Variants in MAGI1 observed in about 807,000 individuals in gnomAD.
MAGI1 encodes membrane-associated guanylate kinase, WW and PDZ domain-containing protein 1.
MAGI1 carries 58 observed loss-of-function variants against 139.9 expected under a neutral mutation model. The ratio of observed to expected loss-of-function variants is 0.41; its 90% CI spans 0.34 to 0.52. The LOEUF is 0.52. Ranked by LOEUF, MAGI1 falls within the 20% of genes least tolerant of loss-of-function variation. The probability of loss-of-function intolerance (pLI) is 0.12; values close to 1 mark genes in which losing one functional copy is unlikely to be tolerated. For missense variants in MAGI1, 1,874 were observed against 1,901.6 expected (o/e 0.99, Z 0.27); for synonymous variants, 812 against 737.9 (o/e 1.10, Z -1.63).
At chr3:66,035,297 C>G (rs2068855501) in intron 1 of MAGI1, among the ~76,000 whole-genome samples, 1 of 152,186 alleles carries the variant, frequency 6.6e-6, no homozygotes, top group Admixed American at 6.5e-5. Context: ...ACAGAATTTT[C>G]TCCCACCATG....
intron 1 of MAGI1, among the ~76,000 whole-genome samples, chr3:65,836,119 T>C (rs925383144): frequency 1.3e-5 from 2 of 152,126 alleles, no homozygotes; most frequent in Non-Finnish European, 2.9e-5. Flanking sequence ...AGACATTGCA[T>C]TGAGCAGGTT....
rs1392908153 is a variant in MAGI1 at position 65,868,687 on chromosome 3, C to CA, written c.313+169308dup. Reference sequence around the variant, plus strand: ...ATGTTGGGAGCTAACTAATCTCCCTCAAAAAACCACAGGCCATTACAGGGC... The same window carrying CA: ...ATGTTGGGAGCTAACTAATCTCCCTCAAAAAAACCACAGGCCATTACAGGGC... On this transcript the variant is annotated intron_variant, in intron 1 of 22. Transcript: ENST00000402939. Among the ~76,000 whole-genome samples the CA allele has an allele frequency of 4.6e-5, 7 of 152,240 alleles. No homozygotes were observed. In the East Asian group the frequency reaches 1.2e-3, roughly 25 times the overall value.
Position 65,369,814 on chromosome 3 carries a change from C to T in MAGI1, c.3197-4868G>A, listed in dbSNP as rs1425075604. ...ATGAGCTACCATGCCCGGCCCCAGA[C>T]GTGATGGATTTCTAAGAGCTTAGAA... is the stretch of plus-strand genomic sequence containing the variant. On this transcript the variant is annotated intron_variant, in intron 18 of 22. Coordinates refer to ENST00000402939, the MANE Select transcript of MAGI1 (RefSeq NM_001033057.2). Among the ~76,000 whole-genome samples the T allele has an allele frequency of 2.6e-5, 4 of 152,204 alleles. No homozygotes were observed. In the East Asian group the frequency reaches 7.8e-4, roughly 30 times the overall value.
At chr3:65,523,768 T>C (rs530974232) in intron 2 of MAGI1, among the ~76,000 whole-genome samples, 52 of 152,224 alleles carry the variant, frequency 3.4e-4, no homozygotes, top group Non-Finnish European at 7.2e-4. Context: ...CTGGAAATAG[T>C]GGTTAGAAGT....
chr3:65,379,379 G>GCTGCCC lies in MAGI1; in HGVS notation c.2871_2876dup (p.Gly958_Ser959insArgGly). On this transcript the variant is annotated inframe_insertion, in exon 17 of 23. Transcript: ENST00000402939. ...GCTGCACCACGGTGCTGACCACGCC[G>GCTGCCC]CTGCCCCCGCCGCCGCCACTGCCGA... 1 of 1,612,336 alleles carries GCTGCCC rather than the reference G, an allele frequency of 6.2e-7. No individual in the cohort carries two copies. Among genetic ancestry groups the GCTGCCC allele is most frequent in the Non-Finnish European group, 8.5e-7 (1 of 1,179,068 alleles).
chr3:65,549,687 T>A (rs2079723989), intron 2 of MAGI1, among the ~76,000 whole-genome samples: 1 of 152,008 alleles, frequency 6.6e-6, no homozygotes, highest in Admixed American at 6.5e-5. Context: ...CCTCAGGGCC[T>A]TGGACGGGGG....
In MAGI1 at chr3:65,430,790, C is replaced by T. The variant is rs61743171; in HGVS notation, c.1455G>A (p.Thr485=). ...LRKSSRGFGF[T]VVGGDEPDEF... is the part of the protein sequence containing the mutation. ...CATCAGGTTCATCCCCTCCAACCAC[C>T]GTGAAGCCAAAGCCACGACTGCTTT... The change falls in exon 11 of 23, where the codon ACG becomes ACA. Residue 485 remains threonine, a synonymous_variant. Transcript: ENST00000402939. 3.4e-4 allele frequency: 549 copies of T among 1,613,700 alleles called. 7 individuals are homozygous for T. The East Asian group carries it at 3.9e-3, about 11-fold the overall frequency.
At chr3:65,494,278 TTC>T (rs1415815859) in intron 2 of MAGI1, among the ~76,000 whole-genome samples, 3 of 152,110 alleles carry the variant, frequency 2.0e-5, no homozygotes, top group Non-Finnish European at 4.4e-5. Context: ...TGCTAGAAAA[TTC>T]TCCCCCTGCA....
At chr3:65,893,042 G>A (rs988553124) in intron 1 of MAGI1, among the ~76,000 whole-genome samples, 4 of 152,086 alleles carry the variant, frequency 2.6e-5, no homozygotes, top group African/African-American at 9.7e-5. Context: ...TTTCAGGGAC[G>A]ATAAAAATTA....
chr3:66,017,276 C>T (rs964619503), intron 1 of MAGI1, among the ~76,000 whole-genome samples: 1 of 152,234 alleles, frequency 6.6e-6, no homozygotes, highest in Non-Finnish European at 1.5e-5. Context: ...TCTCAACACG[C>T]GCAGGGCGCG....
At chr3:65,365,067 C>A (rs779999095) in intron 18 of MAGI1, 121 bp from the exon 19 acceptor site, 3 of 829,262 alleles carry the variant, frequency 3.6e-6, no homozygotes, top group Admixed American at 3.4e-5. Flanking sequence ...CCATTTCAAG[C>A]AGTCTGACTT....
chr3:65,493,689 C>T, intron 2 of MAGI1, 58 bp from the exon 3 acceptor site: 1 of 1,603,102 alleles, frequency 6.2e-7, no homozygotes, highest in Non-Finnish European at 8.5e-7. Context: ...CAGGAAGTTC[C>T]ACATCCAGGT....
intron 7 of MAGI1, among the ~76,000 whole-genome samples, chr3:65,446,092 C>A: frequency 6.6e-6 from 1 of 152,036 alleles, no homozygotes; most frequent in East Asian, 1.9e-4. Context: ...TGGGCCATTT[C>A]TATAATATAG....
At chr3:65,400,858 G>C (rs1944827335) in intron 13 of MAGI1, among the ~76,000 whole-genome samples, 1 of 137,978 alleles carries the variant, frequency 7.2e-6, no homozygotes, top group African/African-American at 2.7e-5. Context: ...TCTACAGCAA[G>C]GAAATGTCCT....
At chr3:65,611,117 G>A (rs146674343) in intron 2 of MAGI1, among the ~76,000 whole-genome samples, 2,588 of 135,466 alleles carry the variant, frequency 0.019, 66 homozygotes, top group African/African-American at 0.065. Flanking sequence ...TATTATATAC[G>A]TATATAATAT....
At chr3:65,413,157 G>A (rs182208891) in intron 12 of MAGI1, among the ~76,000 whole-genome samples, 26 of 152,272 alleles carry the variant, frequency 1.7e-4, no homozygotes, top group Non-Finnish European at 2.9e-4. Context: ...ACTGATTGAT[G>A]TGATGGTCAC....
intron 1 of MAGI1, among the ~76,000 whole-genome samples, chr3:65,933,892 G>A (rs1434302588): frequency 2.0e-5 from 3 of 152,098 alleles, no homozygotes; most frequent in African/African-American, 2.4e-5. Context: ...TTGGGAGGCC[G>A]AGGTGGGCAG....
At chr3:66,027,027 T>G (rs2068308021) in intron 1 of MAGI1, among the ~76,000 whole-genome samples, 1 of 151,782 alleles carries the variant, frequency 6.6e-6, no homozygotes, top group African/African-American at 2.4e-5. Context: ...CCCAGCACTT[T>G]GGGAGGCCGA....
At chr3:65,973,013 G>T (rs2065081734) in intron 1 of MAGI1, among the ~76,000 whole-genome samples, 2 of 152,020 alleles carry the variant, frequency 1.3e-5, no homozygotes, top group South Asian at 4.2e-4. Flanking sequence ...GTCCAGGTGT[G>T]GTGGCTCACA....
Sources: allele counts gnomAD v4.1 joint callset (sites outside exome capture counted in the v4.1 genomes callset), GRCh38; gene constraint gnomAD v4.1.1; transcripts MANE v1.5; gene names NCBI Gene and HGNC (gene_info 2026-07-23, HGNC 2026-07-21).